The following DLG2 variants were observed in gnomAD, a reference collection of about 807,000 sequenced individuals.
DLG2 encodes discs large MAGUK scaffold protein 2, also known as disks large homolog 2.
DLG2 carries 45 observed loss-of-function variants against 132.5 expected under a neutral mutation model. The ratio of observed to expected loss-of-function variants is 0.34; its 90% CI spans 0.27 to 0.44. The LOEUF is 0.44. Among genes scored for constraint, DLG2 ranks in the 20% least tolerant of loss-of-function variants. The pLI is 1.00. For synonymous variants in DLG2, 424 were observed against 419.6 expected (o/e 1.01, Z -0.13); for missense variants, 1,045 against 1,196.9 (o/e 0.87, Z 1.87).
intron 17 of DLG2, chr11:83,789,834 C>T: frequency 8.7e-6 from 3 of 344,916 alleles, no homozygotes. Context: ...GCGTGAGCCA[C>T]CACTGATGAC....
At chr11:84,405,076 G>A (rs1443516151) in intron 7 of DLG2, among the ~76,000 whole-genome samples, 6 of 152,104 alleles carry the variant, frequency 3.9e-5, no homozygotes, top group Admixed American at 1.3e-4. Context: ...AAGGAAGAGG[G>A]GGGAGAATAA....
chr11:84,155,833 G>T (rs1180787752), intron 9 of DLG2, among the ~76,000 whole-genome samples: 1 of 152,056 alleles, frequency 6.6e-6, no homozygotes, highest in Non-Finnish European at 1.5e-5. Context: ...GGACATCCAT[G>T]GATGCCTTAA....
chr11:84,542,926 C>A (rs1348624410), intron 6 of DLG2, among the ~76,000 whole-genome samples: 1 of 80,300 alleles, frequency 1.2e-5, no homozygotes, highest in African/African-American at 5.4e-5. Flanking sequence ...GGGATTTCTG[C>A]AGTCTGTACC....
chr11:83,872,543 T>C (rs1180932813), intron 16 of DLG2, among the ~76,000 whole-genome samples: 1 of 152,218 alleles, frequency 6.6e-6, no homozygotes, highest in Admixed American at 6.5e-5. Flanking sequence ...CTCTGGTGTT[T>C]TGAAGTTAGG....
chr11:84,475,772 T>C (rs1297376954), intron 7 of DLG2, among the ~76,000 whole-genome samples: 3 of 152,124 alleles, frequency 2.0e-5, no homozygotes, highest in Non-Finnish European at 4.4e-5. Flanking sequence ...AATGTCTGGT[T>C]GTGCAAGCTG....
At chr11:84,415,123 T>C (rs950841290) in intron 7 of DLG2, among the ~76,000 whole-genome samples, 3 of 152,220 alleles carry the variant, frequency 2.0e-5, no homozygotes, top group Non-Finnish European at 4.4e-5. Context: ...AAACAGCTTT[T>C]ATTTAATAAA....
chr11:85,297,158 A>G (rs2079284425), intron 3 of DLG2, among the ~76,000 whole-genome samples: 1 of 152,252 alleles, frequency 6.6e-6, no homozygotes, highest in South Asian at 2.1e-4. Context: ...ATAACTAAAG[A>G]GTTAGCTTAA....
chr11:83,844,547 C>CAAAAA (rs59755957), intron 16 of DLG2, among the ~76,000 whole-genome samples: 22,398 of 70,656 alleles, frequency 0.32, 3,904 homozygotes, highest in Non-Finnish European at 0.41. Flanking sequence ...GAGTCTGTAT[C>CAAAAA]AAAAAAAAAA....
chr11:84,678,102 A>G (rs1027149517), intron 6 of DLG2, among the ~76,000 whole-genome samples: 1 of 151,968 alleles, frequency 6.6e-6, no homozygotes, highest in Non-Finnish European at 1.5e-5. Context: ...CTCTATGGAA[A>G]AGCAGCTTCT....
chr11:85,024,811 T>C (rs530874711), intron 6 of DLG2, among the ~76,000 whole-genome samples: 7 of 152,192 alleles, frequency 4.6e-5, no homozygotes, highest in Non-Finnish European at 1.0e-4. Context: ...TATTTTCAGG[T>C]CTCTCAGTTA....
chr11:83,484,754 A>G (rs1456539328), intron 21 of DLG2, among the ~76,000 whole-genome samples: 1 of 145,470 alleles, frequency 6.9e-6, no homozygotes, highest in African/African-American at 2.5e-5. Flanking sequence ...TGTCTTTTAA[A>G]ATAATTTGAA....
intron 8 of DLG2, among the ~76,000 whole-genome samples, chr11:84,191,550 T>C (rs961071133): frequency 7.9e-5 from 12 of 152,154 alleles, no homozygotes; most frequent in African/African-American, 2.7e-4. Flanking sequence ...AAAGAACACA[T>C]ATGTGGGAAC....
intron 6 of DLG2, among the ~76,000 whole-genome samples, chr11:84,823,664 A>G (rs2077985582): frequency 1.3e-5 from 2 of 150,502 alleles, no homozygotes; most frequent in African/African-American, 2.4e-5. Flanking sequence ...TATTTTCTCC[A>G]TAGCACATAT....
At chr11:84,468,244 G>A (rs1031182401) in intron 7 of DLG2, among the ~76,000 whole-genome samples, 1 of 151,424 alleles carries the variant, frequency 6.6e-6, no homozygotes, top group Non-Finnish European at 1.5e-5. Flanking sequence ...GGATAACTTT[G>A]GGTTTAGTGC....
At chr11:83,709,231 C>CTGTGTGTGTGTG (rs112665187) in intron 18 of DLG2, among the ~76,000 whole-genome samples, 1 of 147,226 alleles carries the variant, frequency 6.8e-6, no homozygotes, top group African/African-American at 2.5e-5. Flanking sequence ...AAATTTTACA[C>CTGTGTGTGTGTG]TGTGTGTGTG....
chr11:84,134,999 T>A (rs2094551697), intron 9 of DLG2, among the ~76,000 whole-genome samples: 1 of 152,026 alleles, frequency 6.6e-6, no homozygotes, highest in Non-Finnish European at 1.5e-5. Flanking sequence ...GTGACTAAAG[T>A]CAAAATAAAT....
At chr11:84,589,300 T>A (rs906823874) in intron 6 of DLG2, among the ~76,000 whole-genome samples, 4 of 152,134 alleles carry the variant, frequency 2.6e-5, no homozygotes, top group Non-Finnish European at 4.4e-5. Context: ...AGAATGGGAT[T>A]CTCAGCTTTG....
intron 7 of DLG2, among the ~76,000 whole-genome samples, chr11:84,454,690 T>A (rs2099060742): frequency 6.6e-6 from 1 of 151,480 alleles, no homozygotes; most frequent in Non-Finnish European, 1.5e-5. Flanking sequence ...AGCAAAAGCA[T>A]GGACAAATCT....
intron 7 of DLG2, among the ~76,000 whole-genome samples, chr11:84,441,710 T>G (rs2099017768): frequency 6.6e-6 from 1 of 152,200 alleles, no homozygotes; most frequent in African/African-American, 2.4e-5. Flanking sequence ...TGTCAAACCT[T>G]AAGGGCCTAT....
Sources: gnomAD v4.1 joint callset for allele counts (sites outside exome capture counted in the v4.1 genomes callset) on GRCh38, gnomAD v4.1.1 for gene constraint, MANE v1.5 for transcripts, NCBI Gene and HGNC (gene_info 2026-07-23, HGNC 2026-07-21) for gene names.